The following AK6 variants were observed in gnomAD, a reference collection of about 807,000 sequenced individuals.
AK6 encodes adenylate kinase 6.
A neutral mutation model predicts 23.7 loss-of-function variants in AK6; 24 were observed. The observed-to-expected ratio is 1.01, with a 90% confidence interval of 0.73 to 1.43. The LOEUF is 1.43. Among genes scored for constraint, AK6 ranks in the 40% most tolerant of loss-of-function variants. AK6 has a pLI of 0.00. For synonymous variants in AK6, 73 were observed against 69.8 expected, an observed-to-expected ratio of 1.05 and a Z score of -0.23; for missense variants, 191 against 199.1, an observed-to-expected ratio of 0.96 and a Z score of 0.24.
At chr5:69,355,478 C>CCGAG (rs1020028565) in intron 4 of AK6, 171 bp downstream of exon 4, 3 of 637,944 alleles carry the variant, frequency 4.7e-6, no homozygotes, top group Non-Finnish European at 7.6e-6. Context: ...TTGCAGTGGA[C>CCGAG]CGAGATCACA....
intron 2 of AK6, among the ~76,000 whole-genome samples, chr5:69,362,287 G>A (rs1361981091): frequency 6.6e-6 from 1 of 151,908 alleles, no homozygotes. Flanking sequence ...CCCTCCATGT[G>A]ACAACCCAAA....
intron 2 of AK6, chr5:69,365,525 C>T (rs1409615919): frequency 6.2e-7 from 1 of 1,613,716 alleles, no homozygotes; most frequent in South Asian, 1.1e-5. Flanking sequence ...TTGCCAATCG[C>T]ACATCATCTG....
At chr5:69,363,697 T>G (rs574980263) in intron 2 of AK6, among the ~76,000 whole-genome samples, 1 of 151,208 alleles carries the variant, frequency 6.6e-6, no homozygotes, top group African/African-American at 2.4e-5. Flanking sequence ...GGCAGGACAA[T>G]GGCGTGAACC....
At chr5:69,369,593 G>A (rs1762778961), upstream of AK6, 3 of 1,595,470 alleles carry the variant, frequency 1.9e-6, no homozygotes, top group African/African-American at 1.3e-5. Context: ...GGCCCCAAAG[G>A]CCCCGAAGCC....
chr5:69,352,988 A>G (rs1338188010), intron 4 of AK6, among the ~76,000 whole-genome samples: 1 of 152,246 alleles, frequency 6.6e-6, no homozygotes, highest in Admixed American at 6.5e-5. Flanking sequence ...CAAAAAGTGA[A>G]ACAACCCAAA....
At chr5:69,363,397 A>T (rs1762293996) in intron 2 of AK6, among the ~76,000 whole-genome samples, 1 of 152,256 alleles carries the variant, frequency 6.6e-6, no homozygotes. Flanking sequence ...GGAATGCATG[A>T]ATGAAATTGA....
At chr5:69,362,783 A>G (rs572548262) in intron 2 of AK6, among the ~76,000 whole-genome samples, 1 of 152,204 alleles carries the variant, frequency 6.6e-6, no homozygotes, top group South Asian at 2.1e-4. Context: ...AAGTACCTCC[A>G]TCAAACTCCA....
intron 2 of AK6, chr5:69,364,992 TCAC>T (rs753508601): frequency 1.4e-5 from 22 of 1,613,896 alleles, no homozygotes; most frequent in Non-Finnish European, 1.7e-5. Flanking sequence ...ATCATCATCT[TCAC>T]GTTTTCTTTT....
intron 2 of AK6, among the ~76,000 whole-genome samples, chr5:69,363,588 A>T (rs576406331): frequency 2.6e-5 from 4 of 151,770 alleles, no homozygotes; most frequent in South Asian, 2.1e-4. Flanking sequence ...ATCGAGACCA[A>T]CCTGGTTAAC....
At chr5:69,358,190 A>G (rs1357331713) in intron 2 of AK6, among the ~76,000 whole-genome samples, 1 of 152,168 alleles carries the variant, frequency 6.6e-6, no homozygotes, top group East Asian at 1.9e-4. Flanking sequence ...TGAATAGATA[A>G]ACACGGAGGT....
chr5:69,358,250 C>T (rs1030759297), intron 2 of AK6, among the ~76,000 whole-genome samples: 2 of 151,978 alleles, frequency 1.3e-5, no homozygotes, highest in African/African-American at 2.4e-5. Flanking sequence ...CTGGCCGGTG[C>T]GGTGGCTCAT....
intron 2 of AK6, among the ~76,000 whole-genome samples, chr5:69,357,365 T>C (rs1225181135): frequency 2.0e-5 from 3 of 152,142 alleles, no homozygotes; most frequent in African/African-American, 7.2e-5. Flanking sequence ...TGGTTAACAA[T>C]TTAGAAAACA....
At chr5:69,361,749 G>A (rs1194937988) in intron 2 of AK6, among the ~76,000 whole-genome samples, 1 of 151,522 alleles carries the variant, frequency 6.6e-6, no homozygotes, top group Non-Finnish European at 1.5e-5. Flanking sequence ...GGATTACTGG[G>A]GCCCACCACC....
intron 2 of AK6, among the ~76,000 whole-genome samples, chr5:69,360,947 T>G (rs1762216122): frequency 6.6e-6 from 1 of 152,190 alleles, no homozygotes; most frequent in Non-Finnish European, 1.5e-5. Flanking sequence ...TGGAAATGGA[T>G]CCAATGTCAA....
At chr5:69,364,976 GTCATCA>G (rs558584166) in intron 2 of AK6, 9 of 1,612,680 alleles carry the variant, frequency 5.6e-6, no homozygotes, top group African/African-American at 1.3e-5. Flanking sequence ...CATCATCATC[GTCATCA>G]TCATCATCTT....
intron 2 of AK6, chr5:69,364,646 C>T: frequency 2.0e-6 from 1 of 488,702 alleles, no homozygotes; most frequent in Non-Finnish European, 3.7e-6. Context: ...AAATAGACTG[C>T]AGTACTGCAA....
At chr5:69,367,963 G>C (rs145710566) in intron 1 of AK6, 235 of 152,288 alleles carry the variant, frequency 1.5e-3, no homozygotes, top group African/African-American at 5.5e-3. Flanking sequence ...GCAGGAGTTC[G>C]AGACCAGCCT....
At chr5:69,356,336 C>T (rs761066570) in intron 2 of AK6, among the ~76,000 whole-genome samples, 1 of 152,074 alleles carries the variant, frequency 6.6e-6, no homozygotes, top group Non-Finnish European at 1.5e-5. Flanking sequence ...CACTCACATA[C>T]ATTTAAAAGC....
chr5:69,352,761 G>C (rs1006173363), intron 4 of AK6, among the ~76,000 whole-genome samples: 5 of 152,190 alleles, frequency 3.3e-5, no homozygotes. Context: ...AGCTGTTGGT[G>C]AGGATGTGGA....
Sources: allele counts gnomAD v4.1 joint callset (sites outside exome capture counted in the v4.1 genomes callset), GRCh38; gene constraint gnomAD v4.1.1; transcripts MANE v1.5; gene names NCBI Gene and HGNC (gene_info 2026-07-23, HGNC 2026-07-21).